SAMD11: variants seen among roughly 807,000 people sequenced by gnomAD.
SAMD11 encodes sterile alpha motif domain containing 11.
Under a neutral mutation model 64.4 loss-of-function variants are expected in SAMD11, and 77 were observed. The observed-to-expected ratio is 1.20, with a 90% CI of 0.99 to 1.44. The LOEUF (loss-of-function observed/expected upper bound fraction) is 1.44. Among genes scored for constraint, SAMD11 ranks in the 40% most tolerant of loss-of-function variants. The probability of loss-of-function intolerance (pLI) is 0.00; values close to 1 mark genes in which losing one functional copy is unlikely to be tolerated. For missense variants in SAMD11, 1,402 were observed against 943.3 expected, an observed-to-expected ratio of 1.49 and a Z score of -6.37; for synonymous variants, 658 against 421.9, an observed-to-expected ratio of 1.56 and a Z score of -6.86.
intron 5 of SAMD11, among the ~76,000 whole-genome samples, chr1:936,976 C>G (rs1474812647): frequency 3.3e-5 from 5 of 152,166 alleles, no homozygotes; most frequent in African/African-American, 9.7e-5. Flanking sequence ...TGTCTGGGGT[C>G]CTGTGGGGTG....
intron 3 of SAMD11, 31 bp from the exon 4 acceptor site, chr1:931,008 C>G: frequency 1.9e-6 from 3 of 1,609,216 alleles, no homozygotes; most frequent in Non-Finnish European, 2.5e-6. Flanking sequence ...GCCTCCAGAG[C>G]AACATGGACC....
At position 939,146 on chromosome 1, in the gene SAMD11, G is replaced by T. The variant is rs369972134; in HGVS notation, c.1057+17G>T. 180 of 1,570,696 alleles carry T rather than the reference G, an allele frequency of 1.1e-4. 1 individual carries two copies. The highest frequency in any genetic ancestry group is 7.8e-6 in the Non-Finnish European group (9 of 1,157,280). On this transcript the variant is annotated intron_variant, in intron 6 of 13. Transcript: ENST00000616016. ...CGCCTCAAGGTAAGAGCGTGGCTGGGACGAGAGACAGGTCACCAGGGGAGG... is the reference window on the plus strand; with the variant it reads ...CGCCTCAAGGTAAGAGCGTGGCTGGTACGAGAGACAGGTCACCAGGGGAGG...
At position 942,560 on chromosome 1, in the gene SAMD11, C is replaced by A; in HGVS notation, c.1555C>A (p.Leu519Met). The stretch of plus-strand genomic sequence containing the variant: ...GACCCGCGTCTGCCCCCGGCCCAGG[C>A]TGGAGCTGCCCGCCGACCTCCTGCG... ...ELLRKQNLAR[L>M]ELPADLLRQK... Residue 519 changes from leucine to methionine, a missense_variant and splice_region_variant, in exon 11 of 14, where the codon CTG becomes ATG. Physicochemically the swap from Leu to Met is conservative, Grantham distance 15 (BLOSUM62 2). Coordinates refer to ENST00000616016, the MANE Select transcript of SAMD11 (RefSeq NM_001385641.1). The A allele has an allele frequency of 7.1e-7, 1 of 1,402,122 alleles. No homozygotes were observed. Among genetic ancestry groups the A allele is most frequent in the South Asian group, 1.6e-5 (1 of 64,382 alleles). The allele number at this position is 1,402,122 out of a possible 1,614,324, so 86.9% of individuals were successfully genotyped here.
intron 7 of SAMD11, 59 bp from the exon 8 acceptor site, chr1:941,085 G>A (rs1557608736): frequency 2.0e-6 from 3 of 1,469,090 alleles, no homozygotes; most frequent in Non-Finnish European, 2.8e-6. Flanking sequence ...GCCAGGACGC[G>A]GGCTGGGGAG....
rs547787199 is a variant in SAMD11 at position 928,370 on chromosome 1, C to G, written c.610-1785C>G. The stretch of plus-strand genomic sequence containing the variant: ...TTGTGCCACCGCACTCCAGCCTGGG[C>G]AACAGAGTGAGACTCCGTCTCAAAA... On this transcript the variant is annotated intron_variant, in intron 2 of 13. Coordinates refer to ENST00000616016, the MANE Select transcript of SAMD11 (RefSeq NM_001385641.1). Among the ~76,000 whole-genome samples, 284 of 152,256 alleles carry G rather than the reference C, an allele frequency of 1.9e-3. 1 individual carries two copies. Among genetic ancestry groups the G allele is most frequent in the African/African-American group, 6.4e-3 (265 of 41,544 alleles).
intron 2 of SAMD11, among the ~76,000 whole-genome samples, chr1:928,138 A>C (rs1451665905): frequency 6.6e-6 from 1 of 152,208 alleles, no homozygotes; most frequent in Non-Finnish European, 1.5e-5. Context: ...GCATGCCTGT[A>C]ATCCCAGCAC....
chr1:930,777 G>A (rs1252647737), intron 3 of SAMD11, among the ~76,000 whole-genome samples: 1 of 152,254 alleles, frequency 6.6e-6, no homozygotes, highest in East Asian at 1.9e-4. Flanking sequence ...AGAGGGAGAA[G>A]GGGCCTCGGT....
chr1:938,778 G>A (rs1641593246), intron 5 of SAMD11, among the ~76,000 whole-genome samples: 1 of 152,210 alleles, frequency 6.6e-6, no homozygotes, highest in African/African-American at 2.4e-5. Flanking sequence ...GGGTGGGGCA[G>A]CTGGGTGCCT....
chr1:935,113 G>A (rs1641361481), intron 4 of SAMD11, among the ~76,000 whole-genome samples: 1 of 152,132 alleles, frequency 6.6e-6, no homozygotes, highest in South Asian at 2.1e-4. Flanking sequence ...GTGGATGTGG[G>A]ATTGGGCTGA....
chr1:935,971 CAGCAGCCTTGGCAGGCAGCCAGA>C, intron 5 of SAMD11, 75 bp downstream of exon 5: 1 of 1,492,736 alleles, frequency 6.7e-7, no homozygotes, highest in Non-Finnish European at 9.1e-7. Context: ...CACTCAGCAC[CAGCAGCCTTGGCAGGCAGCCAGA>C]GAGGCAGGAG....
In SAMD11 at chr1:939,421, C is replaced by T; in HGVS notation, c.1195+9C>T. ...GGGCCTCCCCAGCCACGGTGAGGAC[C>T]CACCCTGGCATGATCCCCCTCATCA... On this transcript the variant is annotated intron_variant, in intron 7 of 13. Coordinates refer to ENST00000616016, the MANE Select transcript of SAMD11 (RefSeq NM_001385641.1). 1 of 1,441,702 alleles carries T rather than the reference C, an allele frequency of 6.9e-7. No homozygotes were observed. The highest frequency in any genetic ancestry group is 9.6e-7 in the Non-Finnish European group (1 of 1,044,336). The allele number at this position is 1,441,702 out of a possible 1,614,324, so 89.3% of individuals were successfully genotyped here.
At chr1:935,924 G>T in intron 5 of SAMD11, 28 bp downstream of exon 5, 1 of 1,606,716 alleles carries the variant, frequency 6.2e-7, no homozygotes, top group African/African-American at 1.3e-5. Flanking sequence ...CCTGAGGGCG[G>T]GGTCGGGGCT....
rs1036136023 is a variant in SAMD11 at position 944,562 on chromosome 1, A to G, written c.*409A>G. On this transcript the variant is annotated 3_prime_UTR_variant, in exon 14 of 14. Transcript: ENST00000616016. Reference sequence around the variant, plus strand: ...TTTGGTCTTTCATGCTGAAAAATAAATAATAAAGCCTGTCCCGTGTCTACT... The same window carrying G: ...TTTGGTCTTTCATGCTGAAAAATAAGTAATAAAGCCTGTCCCGTGTCTACT... 4.9e-5 allele frequency: 31 copies of G among 635,810 alleles called. No individual in the cohort carries two copies. Among genetic ancestry groups the G allele is most frequent in the Non-Finnish European group, 7.5e-5 (28 of 375,262 alleles). 39.4% of individuals were successfully genotyped at this position (635,810 alleles called of 1,614,324 possible).
intron 4 of SAMD11, among the ~76,000 whole-genome samples, chr1:931,529 G>A (rs1269924041): frequency 1.3e-5 from 2 of 152,204 alleles, no homozygotes; most frequent in African/African-American, 4.8e-5. Flanking sequence ...GCGAGGGGAT[G>A]TCTGCAGAGT....
At chr1:933,357 A>G (rs534818609) in intron 4 of SAMD11, among the ~76,000 whole-genome samples, 52 of 152,260 alleles carry the variant, frequency 3.4e-4, no homozygotes, top group Non-Finnish European at 7.1e-4. Flanking sequence ...GGCAGAGACC[A>G]GGGGCGGGGA....
In SAMD11 at chr1:942,581, C is replaced by A; in HGVS notation, c.1576C>A (p.Leu526Met). 7.1e-7 allele frequency: 1 copy of A among 1,414,566 alleles called. No individual in the cohort carries two copies. The highest frequency in any genetic ancestry group is 1.5e-5 in the African/African-American group (1 of 66,396). 87.6% of individuals were successfully genotyped at this position (1,414,566 alleles called of 1,614,324 possible). A position where few individuals can be genotyped will look rare whatever the true frequency, so the allele number is the denominator to read the frequency against. Residue 526 changes from leucine to methionine, a missense_variant, in exon 11 of 14, where the codon CTG becomes ATG. Coordinates refer to ENST00000616016, the MANE Select transcript of SAMD11 (RefSeq NM_001385641.1). Reference sequence around the variant, plus strand: ...CAGGCTGGAGCTGCCCGCCGACCTCCTGCGGCAGAAGGAGCTGGAGAGCGC... The same window carrying A: ...CAGGCTGGAGCTGCCCGCCGACCTCATGCGGCAGAAGGAGCTGGAGAGCGC... ...LARLELPADLLRQKELESARP... is the reference protein window; with the variant it reads ...LARLELPADLMRQKELESARP...
In SAMD11 at chr1:943,079, G is replaced by T. The variant is rs752760954; in HGVS notation, c.2053+21G>T. On this transcript the variant is annotated intron_variant, in intron 11 of 13. Transcript: ENST00000616016. The stretch of plus-strand genomic sequence containing the variant: ...CACAGGTGGGCACCCCCACACTCTA[G>T]ATCCTTCCAGAGGGCACAGGACTGG... The T allele has an allele frequency of 4.5e-6, 7 of 1,546,342 alleles. No homozygotes were observed. In the East Asian group the frequency reaches 1.6e-4, roughly 35 times the overall value.
chr1:943,927 G>A lies in SAMD11; in HGVS notation c.2309G>A (p.Arg770Gln), dbSNP rs766164853. 3.7e-6 allele frequency: 6 copies of A among 1,612,696 alleles called. No individual in the cohort carries two copies. Among genetic ancestry groups the A allele is most frequent in the South Asian group, 2.2e-5 (2 of 91,080 alleles). The change falls in exon 14 of 14, where the codon CGA becomes CAA. Residue 770 changes from arginine (R) to glutamine (Q), a missense_variant. Transcript: ENST00000616016. ...CTGCAGGTGGCCAGGCGCCTGGGCC[G>A]AGTTTTCTACGTGGCCAGCTTCCCC... ...IRAQVARRLGRVFYVASFPVA... is the reference protein window; with the variant it reads ...IRAQVARRLGQVFYVASFPVA...
chr1:943,367 A>C lies in SAMD11; in HGVS notation c.2168A>C (p.Glu723Ala). ...GTGGGGGGCCTGTCTGGCTGTGGAG[A>C]GTACACTCGGGTAAGGGGGGGCCCC... The part of the protein sequence containing the change: ...SFVGGLSGCG[E>A]YTRVFREQGI... Residue 723 changes from glutamate to alanine, a missense_variant, in exon 12 of 14, where the codon GAG becomes GCG. Physicochemically the swap from Glu to Ala is moderately radical, Grantham distance 107. Coordinates refer to ENST00000616016, the MANE Select transcript of SAMD11 (RefSeq NM_001385641.1). The C allele has an allele frequency of 6.4e-7, 1 of 1,560,184 alleles. No individual in the cohort carries two copies. Among genetic ancestry groups the C allele is most frequent in the Non-Finnish European group, 8.7e-7 (1 of 1,151,376 alleles).
Sources: gnomAD v4.1 joint callset for allele counts (sites outside exome capture counted in the v4.1 genomes callset) on GRCh38, gnomAD v4.1.1 for gene constraint, MANE v1.5 for transcripts, NCBI Gene and HGNC (gene_info 2026-07-23, HGNC 2026-07-21) for gene names.